CFAP299: variants seen among roughly 807,000 people sequenced by gnomAD.
CFAP299 encodes cilia and flagella associated protein 299.
CFAP299 carries 21 observed loss-of-function variants against 27.0 expected under a neutral mutation model. That is an observed-to-expected ratio of 0.78 (90% confidence interval 0.55 to 1.12). CFAP299 has a LOEUF of 1.12. Among genes scored for constraint, CFAP299 ranks in the 50% most tolerant of loss-of-function variants. The pLI is 0.00. For synonymous variants in CFAP299, 104 were observed against 98.1 expected (o/e 1.06, Z -0.36); for missense variants, 310 against 276.6 (o/e 1.12, Z -0.86).
chr4:80,568,930 C>T (rs1735445999), intron 2 of CFAP299, among the ~76,000 whole-genome samples: 1 of 152,010 alleles, frequency 6.6e-6, no homozygotes, highest in African/African-American at 2.4e-5. Context: ...TGTACTATAG[C>T]CTCAGTAAGT....
chr4:80,755,188 T>A (rs1725163624), intron 3 of CFAP299, among the ~76,000 whole-genome samples: 3 of 152,014 alleles, frequency 2.0e-5, no homozygotes, highest in Admixed American at 2.0e-4. Context: ...GTAATAGAAA[T>A]AATCTGAATG....
chr4:80,952,779 C>G (rs1737850538), intron 5 of CFAP299, among the ~76,000 whole-genome samples: 1 of 152,066 alleles, frequency 6.6e-6, no homozygotes. Flanking sequence ...TCTGCCCTCT[C>G]AGGCAACCCC....
intron 2 of CFAP299, among the ~76,000 whole-genome samples, chr4:80,473,936 A>G (rs1428301045): frequency 1.3e-5 from 2 of 152,178 alleles, no homozygotes; most frequent in Non-Finnish European, 2.9e-5. Flanking sequence ...AAATTGTACT[A>G]TTAAAAACTT....
intron 2 of CFAP299, among the ~76,000 whole-genome samples, chr4:80,391,143 A>T (rs956616220): frequency 1.3e-5 from 2 of 151,946 alleles, no homozygotes; most frequent in East Asian, 3.9e-4. Context: ...ACTTAGGTTG[A>T]TTCTATATCT....
At chr4:80,962,226 CAT>C (rs2109871147) in intron 5 of CFAP299, among the ~76,000 whole-genome samples, 2 of 151,970 alleles carry the variant, frequency 1.3e-5, no homozygotes, top group African/African-American at 4.8e-5. Flanking sequence ...GCAGCTATAA[CAT>C]AAATTTTCAA....
chr4:80,352,498 C>T (rs1162378129), intron 1 of CFAP299, among the ~76,000 whole-genome samples: 2 of 152,052 alleles, frequency 1.3e-5, no homozygotes, highest in African/African-American at 4.8e-5. Context: ...ACCCAAGAGG[C>T]GGAGGTTGCA....
At chr4:80,679,490 G>T (rs960971594) in intron 3 of CFAP299, among the ~76,000 whole-genome samples, 1 of 151,936 alleles carries the variant, frequency 6.6e-6, no homozygotes, top group Non-Finnish European at 1.5e-5. Flanking sequence ...TTTATAAAAA[G>T]CGGCCAAACT....
chr4:80,816,094 T>C (rs1729407487), intron 3 of CFAP299, among the ~76,000 whole-genome samples: 1 of 151,904 alleles, frequency 6.6e-6, no homozygotes, highest in Non-Finnish European at 1.5e-5. Flanking sequence ...TACAAAGAAA[T>C]TGAAAAGTCA....
intron 2 of CFAP299, among the ~76,000 whole-genome samples, chr4:80,452,200 C>T (rs551617404): frequency 1.3e-5 from 2 of 151,894 alleles, no homozygotes; most frequent in Admixed American, 6.6e-5. Flanking sequence ...ATGTTGCAAC[C>T]TGAATCCTTT....
rs185238730 is a variant in CFAP299, at chr4:80,797,223, T to A, written c.334-72770T>A. Among the ~76,000 whole-genome samples the A allele has an allele frequency of 1.9e-3, 296 of 152,262 alleles. 3 individuals are homozygous for A. The highest frequency in any genetic ancestry group is 7.4e-4 in the Non-Finnish European group (50 of 68,008). On this transcript the variant is annotated intron_variant, in intron 3 of 5. Transcript: ENST00000358105. ...AAGGATGGGAGAAAGATTAACAGCATAAATTGTTGCTAGTGTAGTTTGGTC... is the reference window on the plus strand; with the variant it reads ...AAGGATGGGAGAAAGATTAACAGCAAAAATTGTTGCTAGTGTAGTTTGGTC...
At chr4:80,641,665 T>C (rs1168406980) in intron 3 of CFAP299, among the ~76,000 whole-genome samples, 1 of 152,208 alleles carries the variant, frequency 6.6e-6, no homozygotes, top group African/African-American at 2.4e-5. Flanking sequence ...CAATAAGGAA[T>C]TGACGTACAG....
At chr4:80,624,626 C>A (rs1738788075) in intron 3 of CFAP299, among the ~76,000 whole-genome samples, 1 of 151,560 alleles carries the variant, frequency 6.6e-6, no homozygotes, top group Non-Finnish European at 1.5e-5. Context: ...TTTCCAGGTA[C>A]AACAAGGTCA....
At chr4:80,902,586 T>TACACACACACACACACACAC (rs3038572) in intron 4 of CFAP299, among the ~76,000 whole-genome samples, 1 of 126,674 alleles carries the variant, frequency 7.9e-6, no homozygotes, top group Admixed American at 8.4e-5. Flanking sequence ...ATGTAATATA[T>TACACACACACACACACACAC]ACACACACAC....
chr4:80,930,830 C>T (rs1298847592), intron 4 of CFAP299, among the ~76,000 whole-genome samples: 1 of 152,104 alleles, frequency 6.6e-6, no homozygotes, highest in Non-Finnish European at 1.5e-5. Context: ...ATTTTTCCAT[C>T]CCAAATCCCA....
intron 3 of CFAP299, among the ~76,000 whole-genome samples, chr4:80,605,171 T>A (rs1328893702): frequency 6.6e-6 from 1 of 152,216 alleles, no homozygotes; most frequent in Non-Finnish European, 1.5e-5. Context: ...CTTGCAGTCA[T>A]GCTGAAATAA....
At chr4:80,723,379 G>C (rs1051766653) in intron 3 of CFAP299, among the ~76,000 whole-genome samples, 1 of 152,050 alleles carries the variant, frequency 6.6e-6, no homozygotes, top group African/African-American at 2.4e-5. Context: ...TAAAAAAGCA[G>C]TAAAATACCA....
intron 4 of CFAP299, among the ~76,000 whole-genome samples, chr4:80,915,475 T>C (rs1735697172): frequency 1.3e-5 from 2 of 152,094 alleles, no homozygotes; most frequent in African/African-American, 4.8e-5. Context: ...CTTGGTGTAA[T>C]TTTATTTTTT....
chr4:80,936,187 G>C (rs1468229415), intron 4 of CFAP299, among the ~76,000 whole-genome samples: 1 of 152,100 alleles, frequency 6.6e-6, no homozygotes, highest in Non-Finnish European at 1.5e-5. Context: ...ATACACTGTT[G>C]GTGGGAGTGT....
chr4:80,622,537 A>G (rs1239017862), intron 3 of CFAP299, among the ~76,000 whole-genome samples: 1 of 152,170 alleles, frequency 6.6e-6, no homozygotes, highest in Admixed American at 6.5e-5. Context: ...ATCTTGTTTC[A>G]TAATATAATA....
Sources: gnomAD v4.1 joint callset for allele counts (sites outside exome capture counted in the v4.1 genomes callset) on GRCh38, gnomAD v4.1.1 for gene constraint, MANE v1.5 for transcripts, NCBI Gene and HGNC (gene_info 2026-07-23, HGNC 2026-07-21) for gene names.